The following ATG7 variants were observed in gnomAD, a reference collection of about 807,000 sequenced individuals.
ATG7 encodes the protein autophagy related 7, also known as ubiquitin-like modifier-activating enzyme ATG7.
In ATG7, 70 loss-of-function variants were observed where a neutral mutation model predicts 82.4. The ratio of observed to expected loss-of-function variants is 0.85; its 90% CI spans 0.70 to 1.04. ATG7 has a LOEUF of 1.04. Among genes scored for constraint, ATG7 ranks in the 50% least tolerant of loss-of-function variants. ATG7 has a pLI of 0.00. For synonymous variants in ATG7, 287 were observed against 313.0 expected (o/e 0.92, Z 0.88); for missense variants, 792 against 864.3 (o/e 0.92, Z 1.05).
At position 11,478,989 on chromosome 3, in the gene ATG7, AACACACACACAC is replaced by A. The variant is rs71628717; in HGVS notation, c.2079+52103_2079+52114del. On this transcript the variant is annotated intron_variant, in intron 20 of 20. Coordinates refer to ENST00000693202, the MANE Select transcript of ATG7 (RefSeq NM_001349232.2). ...TTTGAATATGTGCCTGTATATTTAC[AACACACACACAC>A]ACACACACACACACACACACACACA... 4.1e-4 allele frequency among the ~76,000 whole-genome samples: 30 copies of A among 73,140 alleles called. No individual in the cohort carries two copies. The East Asian group carries it at 9.9e-3, about 24-fold the overall frequency. 48.0% of individuals were successfully genotyped at this position (73,140 alleles called of 152,430 possible).
At chr3:11,376,083 T>C (rs1476363926) in intron 18 of ATG7, among the ~76,000 whole-genome samples, 2 of 152,250 alleles carry the variant, frequency 1.3e-5, no homozygotes, top group Non-Finnish European at 2.9e-5. Flanking sequence ...GATGAAAATA[T>C]GCTAAGTGAA....
At chr3:11,365,901 G>GGAAA (rs2076572240) in intron 18 of ATG7, among the ~76,000 whole-genome samples, 1 of 152,084 alleles carries the variant, frequency 6.6e-6, no homozygotes, top group African/African-American at 2.4e-5. Flanking sequence ...TGGTACCCCA[G>GGAAA]CCCCCTTGCA....
intron 20 of ATG7, among the ~76,000 whole-genome samples, chr3:11,538,295 A>G (rs527838965): frequency 2.6e-5 from 4 of 152,300 alleles, no homozygotes; most frequent in African/African-American, 9.6e-5. Flanking sequence ...CACAGACTCT[A>G]TCACACCATG....
At chr3:11,469,572 C>A (rs1023773806) in intron 20 of ATG7, among the ~76,000 whole-genome samples, 1 of 152,108 alleles carries the variant, frequency 6.6e-6, no homozygotes, top group Non-Finnish European at 1.5e-5. Flanking sequence ...ATACACTTGG[C>A]CTTTCACCTG....
At chr3:11,506,203 C>A (rs1455759380) in intron 20 of ATG7, among the ~76,000 whole-genome samples, 2 of 152,112 alleles carry the variant, frequency 1.3e-5, no homozygotes, top group Non-Finnish European at 2.9e-5. Context: ...CTATAATAGA[C>A]CCCAGAATAT....
At chr3:11,540,473 T>TAAAAA (rs2125020236) in intron 20 of ATG7, among the ~76,000 whole-genome samples, 1 of 150,678 alleles carries the variant, frequency 6.6e-6, no homozygotes, top group South Asian at 2.1e-4. Flanking sequence ...ACCCTATCTC[T>TAAAAA]ATAAAAAATA....
At chr3:11,441,162 A>T (rs1332487206) in intron 20 of ATG7, among the ~76,000 whole-genome samples, 1 of 152,164 alleles carries the variant, frequency 6.6e-6, no homozygotes, top group East Asian at 1.9e-4. Flanking sequence ...TGTTTATCCT[A>T]CCTTAATCCT....
At chr3:11,419,075 C>G (rs1410129354) in intron 19 of ATG7, among the ~76,000 whole-genome samples, 1 of 152,126 alleles carries the variant, frequency 6.6e-6, no homozygotes, top group Non-Finnish European at 1.5e-5. Context: ...AGTGGTTTCT[C>G]CTGTGACCTC....
Position 11,340,751 on chromosome 3 carries a change from T to C in ATG7, c.980+16T>C, listed in dbSNP as rs148715467. The C allele has an allele frequency of 6.5e-4, 1,050 of 1,609,326 alleles. 13 individuals are homozygous for C. In the African/African-American group the frequency reaches 0.013, roughly 20 times the overall value. ...ACCCTAAAAGGTATATTTGGGAAGC[T>C]GTTTTCTCCAGTCGGGCTTTTTGTA... is the stretch of plus-strand genomic sequence containing the variant. On this transcript the variant is annotated intron_variant, in intron 12 of 20. Transcript: ENST00000693202.
At chr3:11,310,874 C>T (rs954353594) in intron 7 of ATG7, among the ~76,000 whole-genome samples, 13 of 152,198 alleles carry the variant, frequency 8.5e-5, no homozygotes, top group South Asian at 4.1e-4. Context: ...CCTCGTGATC[C>T]GCCCGCCTCG....
chr3:11,543,458 G>A (rs574293637), intron 20 of ATG7, among the ~76,000 whole-genome samples: 119 of 152,330 alleles, frequency 7.8e-4, no homozygotes, highest in African/African-American at 2.5e-3. Context: ...CTGAGTTTGG[G>A]GCAATGGTTC....
intron 20 of ATG7, among the ~76,000 whole-genome samples, chr3:11,541,152 G>A (rs113664058): frequency 0.041 from 6,259 of 152,148 alleles, 396 homozygotes; most frequent in African/African-American, 0.14. Flanking sequence ...CGCCCGCCTC[G>A]GCCTCCCAAA....
chr3:11,554,424 GCTT>G (rs2072181592), intron 20 of ATG7, among the ~76,000 whole-genome samples: 1 of 152,186 alleles, frequency 6.6e-6, no homozygotes, highest in African/African-American at 2.4e-5. Flanking sequence ...CCCTCAGGGA[GCTT>G]GCCTTCCAGA....
chr3:11,362,821 A>G lies in ATG7; in HGVS notation c.1692A>G (p.Arg564=). The G allele has an allele frequency of 6.2e-7, 1 of 1,614,016 alleles. No individual in the cohort carries two copies. The highest frequency in any genetic ancestry group is 2.2e-5 in the East Asian group (1 of 44,878). Residue 564 remains arginine, a synonymous_variant, in exon 17 of 21, where the codon AGA becomes AGG. Coordinates refer to ENST00000693202, the MANE Select transcript of ATG7 (RefSeq NM_001349232.2). Reference sequence around the variant, plus strand: ...TGATTGTTTCTTTGCAGTCAACCAGAGACCGGACCTTGGACCAGCAGTGCA... The same window carrying G: ...TGATTGTTTCTTTGCAGTCAACCAGGGACCGGACCTTGGACCAGCAGTGCA... The part of the protein sequence containing the change: ...NDVVAPGDST[R]DRTLDQQCTV...
intron 14 of ATG7, among the ~76,000 whole-genome samples, chr3:11,350,017 C>G (rs1004779705): frequency 1.3e-5 from 2 of 152,106 alleles, no homozygotes; most frequent in African/African-American, 4.8e-5. Context: ...GATTAGGTGT[C>G]TCCAGAGCAT....
downstream of ATG7, chr3:11,558,857 G>T: frequency 6.2e-7 from 1 of 1,605,288 alleles, no homozygotes; most frequent in African/African-American, 1.3e-5. Flanking sequence ...CAGGCAGTCA[G>T]ACACAGGTGG....
At chr3:11,364,191 T>C (rs1240263405) in intron 17 of ATG7, among the ~76,000 whole-genome samples, 3 of 152,242 alleles carry the variant, frequency 2.0e-5, no homozygotes, top group Non-Finnish European at 4.4e-5. Flanking sequence ...TTCCATTTCA[T>C]TAGCATTTAT....
intron 12 of ATG7, among the ~76,000 whole-genome samples, chr3:11,341,873 C>A (rs2594978): frequency 0.87 from 131,976 of 152,148 alleles, 57,525 homozygotes; most frequent in East Asian, 1. Flanking sequence ...TGATTCCTAT[C>A]ACTGGTCATG....
intron 20 of ATG7, among the ~76,000 whole-genome samples, chr3:11,525,593 C>T (rs1259152724): frequency 2.1e-5 from 3 of 142,962 alleles, no homozygotes; most frequent in Non-Finnish European, 3.0e-5. Context: ...CTTGCTCTGT[C>T]GCCCAGGCTG....
Sources: allele counts gnomAD v4.1 joint callset (sites outside exome capture counted in the v4.1 genomes callset), GRCh38; gene constraint gnomAD v4.1.1; transcripts MANE v1.5; gene names NCBI Gene and HGNC (gene_info 2026-07-23, HGNC 2026-07-21).